KIF26B: variants seen among roughly 807,000 people sequenced by gnomAD.
KIF26B encodes the protein kinesin family member 26B.
Under a neutral mutation model 151.2 loss-of-function variants are expected in KIF26B, and 63 were observed. The ratio of observed to expected loss-of-function variants is 0.42; its 90% CI spans 0.34 to 0.51. The LOEUF (loss-of-function observed/expected upper bound fraction) is 0.51, where lower values mean the gene tolerates loss of function less well. Among genes scored for constraint, KIF26B ranks in the 20% least tolerant of loss-of-function variants. KIF26B has a pLI of 0.07. For synonymous variants in KIF26B, 1,357 were observed against 1,262.1 expected (o/e 1.08, Z -1.59); for missense variants, 2,813 against 2,913.6 (o/e 0.97, Z 0.79).
At chr1:245,356,640 G>A (rs1316548435) in intron 2 of KIF26B, among the ~76,000 whole-genome samples, 2 of 152,158 alleles carry the variant, frequency 1.3e-5, no homozygotes, top group Non-Finnish European at 2.9e-5. Flanking sequence ...TGGATTCATC[G>A]AGTCATTGAT....
intron 2 of KIF26B, among the ~76,000 whole-genome samples, chr1:245,260,595 C>T (rs964918083): frequency 8.5e-5 from 13 of 152,204 alleles, no homozygotes; most frequent in Non-Finnish European, 1.5e-4. Context: ...GCATGTGTAC[C>T]GGTTTGCGGT....
At chr1:245,383,328 C>T (rs1048627178) in intron 3 of KIF26B, among the ~76,000 whole-genome samples, 1 of 152,116 alleles carries the variant, frequency 6.6e-6, no homozygotes, top group East Asian at 1.9e-4. Flanking sequence ...GCATCCCTCA[C>T]GTCTGAACAC....
chr1:245,662,461 C>A (rs2147934273), intron 10 of KIF26B, among the ~76,000 whole-genome samples: 1 of 143,636 alleles, frequency 7.0e-6, no homozygotes, highest in African/African-American at 2.6e-5. Context: ...TATATACACC[C>A]CATGATACAT....
At chr1:245,677,400 G>A (rs998109673) in intron 10 of KIF26B, among the ~76,000 whole-genome samples, 1 of 152,226 alleles carries the variant, frequency 6.6e-6, no homozygotes, top group African/African-American at 2.4e-5. Context: ...TCTATCCCAC[G>A]AATGTTATGC....
intron 2 of KIF26B, among the ~76,000 whole-genome samples, chr1:245,296,660 AC>A (rs760346562): frequency 4.3e-4 from 65 of 152,178 alleles, no homozygotes; most frequent in Non-Finnish European, 6.8e-4. Context: ...AGTCGGCCTC[AC>A]TTTTCCCTGC....
In KIF26B at chr1:245,218,447, T is replaced by G. The variant is rs1183810203; in HGVS notation, c.465+61764T>G. Among the ~76,000 whole-genome samples the G allele has an allele frequency of 6.6e-6, 1 of 152,010 alleles. No individual in the cohort carries two copies. The highest frequency in any genetic ancestry group is 1.5e-5 in the Non-Finnish European group (1 of 67,998). ...TTTACCTGTCCACCCATCTGAGAGATAAAAGAAGAGCAGAGGAGGGTGAGT... is the reference window on the plus strand; with the variant it reads ...TTTACCTGTCCACCCATCTGAGAGAGAAAAGAAGAGCAGAGGAGGGTGAGT... On this transcript the variant is annotated intron_variant, in intron 2 of 14. Transcript: ENST00000407071. The surrounding 1 kb of genome is among the most constrained non-coding windows in gnomAD (Gnocchi z 4.1).
chr1:245,396,614 G>A (rs560682485), intron 3 of KIF26B, among the ~76,000 whole-genome samples: 31 of 147,648 alleles, frequency 2.1e-4, no homozygotes, highest in African/African-American at 7.8e-4. Context: ...CCTGGGCAAC[G>A]ACAACAGTGA....
intron 2 of KIF26B, among the ~76,000 whole-genome samples, chr1:245,287,411 GT>G (rs1421320994): frequency 2.0e-5 from 3 of 149,088 alleles, no homozygotes; most frequent in East Asian, 2.0e-4. Flanking sequence ...ATATAAATGC[GT>G]TTTTTTCTTC....
intron 4 of KIF26B, among the ~76,000 whole-genome samples, chr1:245,481,153 C>G (rs1215442796): frequency 6.6e-6 from 1 of 151,882 alleles, no homozygotes; most frequent in African/African-American, 2.4e-5. Context: ...TAGAAAGAAG[C>G]ATCTGCTTCA....
rs1450570543 is a variant in KIF26B at position 245,513,210 on chromosome 1, C to G, written c.1167-27557C>G. Among the ~76,000 whole-genome samples, 13 of 3,486 alleles carry G rather than the reference C, an allele frequency of 3.7e-3. No individual in the cohort carries two copies. In the Non-Finnish European group the frequency reaches 0.31, roughly 83 times the overall value. 2.3% of individuals were successfully genotyped at this position (3,486 alleles called of 152,430 possible). A position where few individuals can be genotyped will look rare whatever the true frequency, so the allele number is the denominator to read the frequency against. On this transcript the variant is annotated intron_variant, in intron 4 of 14. Transcript: ENST00000407071. The stretch of plus-strand genomic sequence containing the variant: ...CCTGGTGGACAGCTCCAACCTGCAC[C>G]CCCCCCCAACCCCGCCGCCCCCTCT...
chr1:245,363,227 C>G (rs1023338316), intron 2 of KIF26B, among the ~76,000 whole-genome samples: 1 of 152,198 alleles, frequency 6.6e-6, no homozygotes, highest in Non-Finnish European at 1.5e-5. Flanking sequence ...GACGGAGTCT[C>G]GCTCTGTTGT....
rs762786429 is a variant in KIF26B at position 245,686,898 on chromosome 1, G to T, written c.3915G>T (p.Gly1305=). 5.0e-6 allele frequency: 8 copies of T among 1,613,206 alleles called. No homozygotes were observed. Among genetic ancestry groups the T allele is most frequent in the Middle Eastern group, 3.3e-4 (2 of 6,082 alleles). The part of the protein sequence containing the change: ...CHSFIAQTCF[G]HGEAMAEPVA... ...GTTTCATAGCCCAGACGTGTTTTGG[G>T]CACGGGGAGGCAATGGCAGAACCTG... The change falls in exon 12 of 15, where the codon GGG becomes GGT. Residue 1305 remains glycine (G), a synonymous_variant. Coordinates refer to ENST00000407071, the MANE Select transcript of KIF26B (RefSeq NM_018012.4). The surrounding 1 kb of genome is among the most constrained non-coding windows in gnomAD (Gnocchi z 5.6).
In KIF26B at chr1:245,170,806, C is replaced by A. The variant is rs892276157; in HGVS notation, c.465+14123C>A. On this transcript the variant is annotated intron_variant, in intron 2 of 14. Coordinates refer to ENST00000407071, the MANE Select transcript of KIF26B (RefSeq NM_018012.4). This position sits in a 1 kb window ranked among gnomAD's most constrained non-coding sequence, Gnocchi z 4.4. ...CATCACTTTGGGGGTTAGGTTTCAACATGATTTTGGGGAGAACATAAGCGT... is the reference window on the plus strand; with the variant it reads ...CATCACTTTGGGGGTTAGGTTTCAAAATGATTTTGGGGAGAACATAAGCGT... Among the ~76,000 whole-genome samples the A allele has an allele frequency of 6.6e-6, 1 of 152,184 alleles. No individual in the cohort carries two copies. The highest frequency in any genetic ancestry group is 1.5e-5 in the Non-Finnish European group (1 of 68,032).
At chr1:245,556,819 G>A (rs773064706) in intron 5 of KIF26B, among the ~76,000 whole-genome samples, 1 of 152,162 alleles carries the variant, frequency 6.6e-6, no homozygotes, top group African/African-American at 2.4e-5. Flanking sequence ...GTTTACAGGT[G>A]CAAGCCACCA....
chr1:245,241,709 C>A lies in KIF26B; in HGVS notation c.465+85026C>A, dbSNP rs1404414685. On this transcript the variant is annotated intron_variant, in intron 2 of 14. Coordinates refer to ENST00000407071, the MANE Select transcript of KIF26B (RefSeq NM_018012.4). The surrounding 1 kb of genome is among the most constrained non-coding windows in gnomAD (Gnocchi z 5.0). ...CGGCGGACACAGCCCCGTCCAGGGC[C>A]CATGGCAGCCCCAGCTGGCTGCCCG... Among the ~76,000 whole-genome samples the A allele has an allele frequency of 6.6e-6, 1 of 152,200 alleles. No individual in the cohort carries two copies. The highest frequency in any genetic ancestry group is 1.5e-5 in the Non-Finnish European group (1 of 68,034).
At chr1:245,229,224 G>T in intron 2 of KIF26B, among the ~76,000 whole-genome samples, 1 of 152,096 alleles carries the variant, frequency 6.6e-6, no homozygotes, top group East Asian at 1.9e-4. Context: ...CACCCACTTC[G>T]GTCTCCCAAA....
At chr1:245,677,860 A>G (rs1267350048) in intron 10 of KIF26B, among the ~76,000 whole-genome samples, 1 of 152,226 alleles carries the variant, frequency 6.6e-6, no homozygotes, top group Non-Finnish European at 1.5e-5. Context: ...AATAATAAAG[A>G]CACTTACTTG....
chr1:245,350,051 A>ATAT (rs1553349566), intron 2 of KIF26B, among the ~76,000 whole-genome samples: 2 of 141,172 alleles, frequency 1.4e-5, no homozygotes, highest in Admixed American at 7.7e-5. Flanking sequence ...ATATATATAT[A>ATAT]TTTTTTTTTC....
At chr1:245,356,218 C>A (rs73132984) in intron 2 of KIF26B, among the ~76,000 whole-genome samples, 1 of 152,032 alleles carries the variant, frequency 6.6e-6, no homozygotes, top group Admixed American at 6.6e-5. Flanking sequence ...AGCAAAAAAA[C>A]ACAACTATAC....
Sources: gnomAD v4.1 joint callset for allele counts (sites outside exome capture counted in the v4.1 genomes callset) on GRCh38, gnomAD v4.1.1 for gene constraint, Gnocchi (gnomAD v3.1) non-coding constraint, MANE v1.5 for transcripts, NCBI Gene and HGNC (gene_info 2026-07-23, HGNC 2026-07-21) for gene names.